FN1: variants seen among roughly 807,000 people sequenced by gnomAD.
FN1 encodes fibronectin.
FN1 carries 106 observed loss-of-function variants against 297.3 expected under a neutral mutation model. That is an observed-to-expected ratio of 0.36 (90% CI 0.30 to 0.42). The LOEUF (loss-of-function observed/expected upper bound fraction) is 0.42, where lower values mean the gene tolerates loss of function less well. Among genes scored for constraint, FN1 ranks in the 10% least tolerant of loss-of-function variants. The pLI is 1.00. For missense variants in FN1, 2,690 were observed against 3,124.9 expected, an observed-to-expected ratio of 0.86 and a Z score of 3.32; for synonymous variants, 1,149 against 1,152.6, an observed-to-expected ratio of 1.00 and a Z score of 0.06.
chr2:215,371,171 G>C (rs2055996815), intron 40 of FN1, among the ~76,000 whole-genome samples: 1 of 152,092 alleles, frequency 6.6e-6, no homozygotes, highest in Non-Finnish European at 1.5e-5. Flanking sequence ...GGGAGGCTGA[G>C]GCAGGAGAAT....
intron 25 of FN1, chr2:215,392,519 T>G: frequency 4.1e-6 from 1 of 246,712 alleles, no homozygotes; most frequent in South Asian, 4.7e-5. Flanking sequence ...CATGGTAGAG[T>G]TTATCAAAGG....
intron 26 of FN1, among the ~76,000 whole-genome samples, chr2:215,389,396 C>A (rs1160159305): frequency 6.6e-6 from 1 of 151,324 alleles, no homozygotes. Context: ...AGCCACTGTG[C>A]CCAGCTTCTT....
chr2:215,377,158 G>A (rs1439811944), intron 35 of FN1, among the ~76,000 whole-genome samples: 1 of 151,794 alleles, frequency 6.6e-6, no homozygotes, highest in Non-Finnish European at 1.5e-5. Flanking sequence ...CAGGTACAAT[G>A]CCATCCCTCT....
intron 44 of FN1, 104 bp downstream of exon 44, chr2:215,364,775 A>G (rs866006729): frequency 7.9e-6 from 6 of 762,100 alleles, no homozygotes; most frequent in Non-Finnish European, 6.8e-6. Context: ...GTATTTTAAT[A>G]CTTCCGAAGG....
At chr2:215,420,576 C>T in intron 11 of FN1, 97 bp downstream of exon 11, 5 of 1,493,014 alleles carry the variant, frequency 3.3e-6, no homozygotes, top group South Asian at 1.1e-5. Context: ...AAGTCTGGAG[C>T]CAACTTCAGT....
chr2:215,406,086 T>G (rs1054700161), intron 19 of FN1, 152 bp downstream of exon 19: 1 of 781,652 alleles, frequency 1.3e-6, no homozygotes, highest in East Asian at 2.5e-5. Context: ...AAGTTTAATG[T>G]GCTTTGTGTT....
At position 215,379,192 on chromosome 2, in the gene FN1, C is replaced by T. The variant is rs777907579; in HGVS notation, c.5560G>A (p.Gly1854Arg). ...GCAAGGTTGATTTCTTTCATTGGTC[C>T]GGTCTTCTCCTTGGGGGTCACCCGC... ...RVRVTPKEKT[G>R]PMKEINLAPD... Residue 1854 changes from glycine (G) to arginine (R), a missense_variant, in exon 34 of 46, where the codon GGA becomes AGA. By Grantham distance (125) the Gly-to-Arg change is moderately radical (BLOSUM62 -2). Coordinates refer to ENST00000354785, the MANE Select transcript of FN1 (RefSeq NM_212482.4). 29 of 1,613,868 alleles carry T rather than the reference C, an allele frequency of 1.8e-5. No individual in the cohort carries two copies. Among genetic ancestry groups the T allele is most frequent in the South Asian group, 6.6e-5 (6 of 91,086 alleles).
intron 8 of FN1, among the ~76,000 whole-genome samples, chr2:215,423,821 T>C (rs1464133483): frequency 6.6e-6 from 1 of 152,054 alleles, no homozygotes; most frequent in Non-Finnish European, 1.5e-5. Context: ...GCTAAGGCAC[T>C]AAAACATTCA....
chr2:215,373,475 C>A, intron 38 of FN1, 64 bp from the exon 39 acceptor site: 1 of 1,370,332 alleles, frequency 7.3e-7, no homozygotes, highest in South Asian at 1.2e-5. Context: ...GGAAGTCGGT[C>A]TCACCAGCAG....
At position 215,392,923 on chromosome 2, in the gene FN1, A is replaced by G. The variant is rs1214471850; in HGVS notation, c.4069+8T>C. 1.9e-6 allele frequency: 3 copies of G among 1,612,228 alleles called. No individual in the cohort carries two copies. Among genetic ancestry groups the G allele is most frequent in the Non-Finnish European group, 2.5e-6 (3 of 1,180,004 alleles). On this transcript the variant is annotated splice_region_variant and intron_variant, in intron 25 of 45. Coordinates refer to ENST00000354785, the MANE Select transcript of FN1 (RefSeq NM_212482.4). ...TATGTCTCAAACGCAGAAGTTTTCA[A>G]AATTCACCCGTTTGTTGTGTCAGTG...
At chr2:215,385,029 A>T in intron 28 of FN1, 53 bp from the exon 29 acceptor site, 1 of 1,214,182 alleles carries the variant, frequency 8.2e-7, no homozygotes, top group Non-Finnish European at 1.2e-6. Context: ...CAATATTCAG[A>T]TTTACTGTTT....
chr2:215,421,508 A>G (rs2064350259), intron 10 of FN1, among the ~76,000 whole-genome samples: 1 of 152,214 alleles, frequency 6.6e-6, no homozygotes, highest in African/African-American at 2.4e-5. Context: ...TCAGACCAAT[A>G]TCTACGCACT....
At chr2:215,405,684 A>G (rs1480838405) in intron 19 of FN1, among the ~76,000 whole-genome samples, 1 of 152,174 alleles carries the variant, frequency 6.6e-6, no homozygotes, top group Non-Finnish European at 1.5e-5. Context: ...TAGAGGTTCC[A>G]GTGAGCTGAG....
At position 215,375,259 on chromosome 2, in the gene FN1, C is replaced by A. The variant is rs139724581; in HGVS notation, c.6112G>T (p.Val2038Leu). 3.7e-6 allele frequency: 6 copies of A among 1,614,182 alleles called. No homozygotes were observed. Among genetic ancestry groups the A allele is most frequent in the African/African-American group, 1.3e-5 (1 of 75,030 alleles). Reference protein sequence around the residue: ...YEKPGSPPREVVPRPRPGVTE... With the variant: ...YEKPGSPPRELVPRPRPGVTE... ...ACACCAGGGCGGGGCCGAGGGACCA[C>A]TTCTCTGGGAGGAGACCCAGGCTTC... is the stretch of plus-strand genomic sequence containing the variant. The change falls in exon 38 of 46, where the codon GTG (valine) becomes TTG (leucine). Residue 2038 changes from valine to leucine, a missense_variant. Coordinates refer to ENST00000354785, the MANE Select transcript of FN1 (RefSeq NM_212482.4).
rs147831535 is a variant in FN1, at chr2:215,419,286, C to A, written c.1775G>T (p.Arg592Leu). Reference protein sequence around the residue: ...GVRYQCYCYGRGIGEWHCQPL... With the variant: ...GVRYQCYCYGLGIGEWHCQPL... The stretch of plus-strand genomic sequence containing the variant: ...TTGGCAATGCCACTCCCCAATGCCA[C>A]GGCCATAGCAGTAGCACTGGTATCT... The change falls in exon 12 of 46, where the codon CGT (arginine) becomes CTT (leucine). Residue 592 changes from arginine to leucine, a missense_variant. Arg to Leu is a moderately radical substitution (Grantham distance 102). Transcript: ENST00000354785. 3 of 1,613,778 alleles carry A rather than the reference C, an allele frequency of 1.9e-6. No homozygotes were observed. Among genetic ancestry groups the A allele is most frequent in the Non-Finnish European group, 2.5e-6 (3 of 1,179,684 alleles).
chr2:215,372,370 G>A lies in FN1; in HGVS notation c.6253C>T (p.Leu2085Phe), dbSNP rs770159100. The A allele has an allele frequency of 1.9e-6, 3 of 1,613,976 alleles. No individual in the cohort carries two copies. The African/African-American group carries it at 4.0e-5, about 22-fold the overall frequency. ...TGTGGAAGGGTTACCAGTTGGGGAAGCTCGTCTAGCCGAGAGAGGTTAGAG... is the reference window on the plus strand; with the variant it reads ...TGTGGAAGGGTTACCAGTTGGGGAAACTCGTCTAGCCGAGAGAGGTTAGAG... ...PLIGRKKTDE[L>F]PQLVTLPHPN... The change falls in exon 40 of 46, where the codon CTT becomes TTT. Residue 2085 changes from leucine (L) to phenylalanine (F), a missense_variant. Coordinates refer to ENST00000354785, the MANE Select transcript of FN1 (RefSeq NM_212482.4).
At position 215,430,823 on chromosome 2, in the gene FN1, T is replaced by C. The variant is rs771143403; in HGVS notation, c.577A>G (p.Thr193Ala). ...AEKCFDHAAGTSYVVGETWEK... is the reference protein window; with the variant it reads ...AEKCFDHAAGASYVVGETWEK... ...CACGTTTCTCCGACCACATAGGAAG[T>C]CCCAGCAGCATGATCAAAACACTTC... Residue 193 changes from threonine to alanine, a missense_variant, in exon 5 of 46, where the codon ACT (threonine) becomes GCT (alanine). Physicochemically the swap from Thr to Ala is moderately conservative, Grantham distance 58. Around this residue, in one of 3 missense-constraint regions of FN1, gnomAD observed 876 missense variants for 1,058.1 expected, o/e 0.83. Transcript: ENST00000354785. 2 of 1,614,132 alleles carry C rather than the reference T, an allele frequency of 1.2e-6. No individual in the cohort carries two copies. The highest frequency in any genetic ancestry group is 4.5e-5 in the East Asian group (2 of 44,880).
At chr2:215,427,693 A>G (rs540475786) in intron 6 of FN1, among the ~76,000 whole-genome samples, 1 of 152,340 alleles carries the variant, frequency 6.6e-6, no homozygotes, top group East Asian at 1.9e-4. Context: ...CCACTACAAA[A>G]AGAGTTCAAT....
intron 20 of FN1, among the ~76,000 whole-genome samples, chr2:215,404,110 T>C (rs1194060691): frequency 7.2e-5 from 11 of 152,212 alleles, no homozygotes; most frequent in Non-Finnish European, 1.0e-4. Context: ...AACACACTGC[T>C]TCCTTCATCA....
Sources: gnomAD v4.1 joint callset for allele counts (sites outside exome capture counted in the v4.1 genomes callset) on GRCh38, gnomAD v4.1.1 for gene constraint, gnomAD v4.1.1 regional missense constraint, MANE v1.5 for transcripts, NCBI Gene and HGNC (gene_info 2026-07-23, HGNC 2026-07-21) for gene names.